Variants in IGSF5 observed in about 807,000 individuals in gnomAD.
IGSF5 encodes the protein immunoglobulin superfamily member 5, also known as immunoglobulin superfamily 5 like.
A neutral mutation model predicts 39.4 loss-of-function variants in IGSF5; 41 were observed. That is an observed-to-expected ratio of 1.04 (90% CI 0.81 to 1.35). The LOEUF is 1.35. IGSF5 is among the 40% of genes most tolerant of loss of function. The probability of loss-of-function intolerance (pLI) is 0.00; values close to 1 mark genes in which losing one functional copy is unlikely to be tolerated. For missense variants in IGSF5, 487 were observed against 494.6 expected (o/e 0.98, Z 0.15); for synonymous variants, 183 against 175.3 (o/e 1.04, Z -0.34).
At chr21:39,801,010 C>T (rs909842321) in intron 8 of IGSF5, among the ~76,000 whole-genome samples, 2 of 152,230 alleles carry the variant, frequency 1.3e-5, no homozygotes, top group African/African-American at 2.4e-5. Flanking sequence ...AACAATGAGT[C>T]GTGGTAATTT....
At chr21:39,788,429 CT>C (rs1162388755) in intron 6 of IGSF5, among the ~76,000 whole-genome samples, 1 of 152,196 alleles carries the variant, frequency 6.6e-6, no homozygotes, top group Non-Finnish European at 1.5e-5. Context: ...CTCTGGTTCC[CT>C]TAGGGAAATG....
At chr21:39,762,135 G>A (rs1173816016) in intron 2 of IGSF5, among the ~76,000 whole-genome samples, 4 of 152,180 alleles carry the variant, frequency 2.6e-5, no homozygotes, top group South Asian at 2.1e-4. Flanking sequence ...TAAAGAAATC[G>A]TGTAGCCAGC....
chr21:39,716,348 A>T, the IGSF5 span, among the ~76,000 whole-genome samples: 2 of 151,790 alleles, frequency 1.3e-5, no homozygotes, highest in East Asian at 1.9e-4. Context: ...TTCTTTTTTT[A>T]AAAAAATTTA....
Position 39,771,167 on chromosome 21 carries a change from G to A in IGSF5, c.670G>A (p.Ala224Thr), listed in dbSNP as rs1241036743. 2 of 1,601,878 alleles carry A rather than the reference G, an allele frequency of 1.2e-6. No homozygotes were observed. Among genetic ancestry groups the A allele is most frequent in the Non-Finnish European group, 1.7e-6 (2 of 1,172,632 alleles). The change falls in exon 4 of 9, where the codon GCC (alanine) becomes ACC (threonine). Residue 224 changes from alanine to threonine, a missense_variant. Coordinates refer to ENST00000380588, the MANE Select transcript of IGSF5 (RefSeq NM_001080444.2). The part of the protein sequence containing the change: ...TCVATWKSLK[A>T]RKSATVNLTV... ...CGTGGCTACCTGGAAGAGCCTGAAG[G>A]CCCGCAAGTCTGCAACTGTAAATCT...
intron 6 of IGSF5, among the ~76,000 whole-genome samples, chr21:39,790,900 G>A (rs1431290321): frequency 6.6e-6 from 1 of 152,148 alleles, no homozygotes; most frequent in African/African-American, 2.4e-5. Context: ...TATTTGCATA[G>A]CATTTACATT....
chr21:39,782,304 G>T (rs985829710), intron 5 of IGSF5, among the ~76,000 whole-genome samples: 3 of 152,084 alleles, frequency 2.0e-5, no homozygotes, highest in Non-Finnish European at 4.4e-5. Context: ...TGTTCTTCTG[G>T]CTAGTTTTGC....
chr21:39,742,164 C>T (rs2898384), upstream of IGSF5, among the ~76,000 whole-genome samples: 19,024 of 151,486 alleles, frequency 0.13, 1,241 homozygotes, highest in Middle Eastern at 0.19. Context: ...AAACAGGAGA[C>T]GACAAATGGG....
At chr21:39,750,967 G>C (rs1301047873) in intron 2 of IGSF5, among the ~76,000 whole-genome samples, 1 of 152,218 alleles carries the variant, frequency 6.6e-6, no homozygotes, top group Non-Finnish European at 1.5e-5. Flanking sequence ...GAGAGGGAGT[G>C]GAGGCCGGAG....
intron 3 of IGSF5, among the ~76,000 whole-genome samples, chr21:39,768,856 C>T (rs989467902): frequency 4.6e-5 from 7 of 152,170 alleles, no homozygotes; most frequent in African/African-American, 1.7e-4. Context: ...TCAGAGCCGA[C>T]CCAGTTCACT....
At chr21:39,749,094 C>T (rs16998288) in intron 2 of IGSF5, among the ~76,000 whole-genome samples, 1,957 of 152,084 alleles carry the variant, frequency 0.013, 37 homozygotes, top group African/African-American at 0.042. Flanking sequence ...AAGTAGCTGG[C>T]TCATTAATAG....
intron 6 of IGSF5, among the ~76,000 whole-genome samples, chr21:39,790,809 C>G (rs556126818): frequency 3.9e-5 from 6 of 151,982 alleles, no homozygotes; most frequent in Middle Eastern, 3.2e-3. Flanking sequence ...CTGATTCAAC[C>G]AACAATGGAT....
At chr21:39,786,775 G>A (rs1403958022) in intron 5 of IGSF5, among the ~76,000 whole-genome samples, 2 of 152,220 alleles carry the variant, frequency 1.3e-5, no homozygotes, top group Non-Finnish European at 2.9e-5. Flanking sequence ...ATACTATGCA[G>A]CCATAAAAAA....
intron 8 of IGSF5, 23 bp from the exon 9 acceptor site, chr21:39,801,239 C>T (rs990010300): frequency 1.3e-6 from 2 of 1,596,912 alleles, no homozygotes; most frequent in African/African-American, 2.7e-5. Context: ...ATTAAATTGA[C>T]TTTTTTCCTC....
chr21:39,791,868 A>G lies in IGSF5; in HGVS notation c.957-140A>G, dbSNP rs191281655. ...ATACCTGCAACGCAGCGGCAAAGCTATGGACTTCCTGTGTTAAGTTCAATG... is the reference window on the plus strand; with the variant it reads ...ATACCTGCAACGCAGCGGCAAAGCTGTGGACTTCCTGTGTTAAGTTCAATG... On this transcript the variant is annotated intron_variant, in intron 6 of 8. Coordinates refer to ENST00000380588, the MANE Select transcript of IGSF5 (RefSeq NM_001080444.2). 1.1e-5 allele frequency: 7 copies of G among 618,774 alleles called. 1 individual carries two copies. The highest frequency in any genetic ancestry group is 1.1e-4 in the South Asian group (5 of 46,394). 38.3% of individuals were successfully genotyped at this position (618,774 alleles called of 1,614,324 possible). A position where few individuals can be genotyped will look rare whatever the true frequency, so the allele number is the denominator to read the frequency against.
intron 2 of IGSF5, among the ~76,000 whole-genome samples, chr21:39,756,697 G>T (rs1021097074): frequency 6.6e-6 from 1 of 152,140 alleles, no homozygotes; most frequent in Non-Finnish European, 1.5e-5. Context: ...GTTGTTTTGC[G>T]GGTGGTTCAT....
the IGSF5 span, among the ~76,000 whole-genome samples, chr21:39,718,099 G>A: frequency 2.0e-5 from 3 of 150,720 alleles, no homozygotes; most frequent in Admixed American, 6.6e-5. Flanking sequence ...TTTTTTTTGT[G>A]TGTGTCACAA....
the IGSF5 span, among the ~76,000 whole-genome samples, chr21:39,727,348 C>T: frequency 6.6e-6 from 1 of 152,152 alleles, no homozygotes; most frequent in African/African-American, 2.4e-5. Flanking sequence ...GAAGTTACTC[C>T]ACCATCAGGG....
Position 39,771,222 on chromosome 21 carries a change from G to T in IGSF5, c.718+7G>T. ...GTGATTCGGTGTCCCCAAGGTAAGTGAAGACATTCTGCTTTATATGAAATG... is the reference window on the plus strand; with the variant it reads ...GTGATTCGGTGTCCCCAAGGTAAGTTAAGACATTCTGCTTTATATGAAATG... On this transcript the variant is annotated splice_region_variant and intron_variant, in intron 4 of 8. Coordinates refer to ENST00000380588, the MANE Select transcript of IGSF5 (RefSeq NM_001080444.2). 1 of 1,542,168 alleles carries T rather than the reference G, an allele frequency of 6.5e-7. No individual in the cohort carries two copies. Among genetic ancestry groups the T allele is most frequent in the Non-Finnish European group, 8.8e-7 (1 of 1,141,036 alleles).
At chr21:39,789,004 G>A (rs2086943550) in intron 6 of IGSF5, among the ~76,000 whole-genome samples, 1 of 152,094 alleles carries the variant, frequency 6.6e-6, no homozygotes, top group African/African-American at 2.4e-5. Context: ...CTGACCCCTG[G>A]CAATTGTGAA....
Sources: gnomAD v4.1 joint callset for allele counts (sites outside exome capture counted in the v4.1 genomes callset) on GRCh38, gnomAD v4.1.1 for gene constraint, MANE v1.5 for transcripts, NCBI Gene and HGNC (gene_info 2026-07-23, HGNC 2026-07-21) for gene names.